Variants in SUSD4 observed in about 807,000 individuals in gnomAD.
The protein encoded by SUSD4 is sushi domain containing 4.
In SUSD4, 41 loss-of-function variants were observed where a neutral mutation model predicts 50.5. The ratio of observed to expected loss-of-function variants is 0.81; its 90% confidence interval spans 0.63 to 1.05. The LOEUF is 1.05. SUSD4 is among the 50% of genes least tolerant of loss of function. SUSD4 has a pLI of 0.00. For synonymous variants in SUSD4, 257 were observed against 257.3 expected (o/e 1.00, Z 0.01); for missense variants, 580 against 634.7 (o/e 0.91, Z 0.93).
chr1:223,220,970 G>C lies in SUSD4; in HGVS notation c.*1222C>G, dbSNP rs1659109428. On this transcript the variant is annotated 3_prime_UTR_variant, in exon 9 of 9. Transcript: ENST00000366878. The stretch of plus-strand genomic sequence containing the variant: ...TTGTCTAAAACCAAGAGAAGGAAAG[G>C]AATCAACTCCACAGATCAACATGTA... 1 of 400,602 alleles carries C rather than the reference G, an allele frequency of 2.5e-6. No individual in the cohort carries two copies. Among genetic ancestry groups the C allele is most frequent in the Non-Finnish European group, 4.4e-6 (1 of 226,232 alleles). 24.8% of individuals were successfully genotyped at this position (400,602 alleles called of 1,614,324 possible). A position where few individuals can be genotyped will look rare whatever the true frequency, so the allele number is the denominator to read the frequency against.
Position 223,343,919 on chromosome 1 carries a change from A to G in SUSD4, c.148+19359T>C, listed in dbSNP as rs75325936. 3.8e-3 allele frequency among the ~76,000 whole-genome samples: 582 copies of G among 152,300 alleles called. 2 individuals carry two copies. The highest frequency in any genetic ancestry group is 0.013 in the African/African-American group (561 of 41,560). ...TCCACCACCAACAGAGTACGAGAAC[A>G]TGGCCCAGATCCAAACCAACGTGTC... On this transcript the variant is annotated intron_variant, in intron 2 of 8. Transcript: ENST00000366878.
At chr1:223,275,162 G>A (rs1164201474) in intron 3 of SUSD4, among the ~76,000 whole-genome samples, 3 of 152,158 alleles carry the variant, frequency 2.0e-5, no homozygotes, top group Non-Finnish European at 1.5e-5. Context: ...CGGAATTCTG[G>A]GGAGTGAACG....
chr1:223,294,871 T>TA (rs760531351), intron 2 of SUSD4, among the ~76,000 whole-genome samples: 13 of 152,234 alleles, frequency 8.5e-5, no homozygotes, highest in Non-Finnish European at 1.6e-4. Context: ...TGCATGTTTT[T>TA]AATTTGGGGG....
At chr1:223,265,362 T>G (rs999817018) in intron 4 of SUSD4, among the ~76,000 whole-genome samples, 1 of 152,212 alleles carries the variant, frequency 6.6e-6, no homozygotes, top group African/African-American at 2.4e-5. Flanking sequence ...GAAAACCCAG[T>G]TGTGTTTTAT....
chr1:223,358,324 G>A (rs1184716465), intron 2 of SUSD4, among the ~76,000 whole-genome samples: 1 of 152,148 alleles, frequency 6.6e-6, no homozygotes, highest in African/African-American at 2.4e-5. Context: ...TCAAATTCCT[G>A]TAATCGCAGA....
intron 2 of SUSD4, among the ~76,000 whole-genome samples, chr1:223,331,711 C>T (rs1017855870): frequency 2.0e-5 from 3 of 152,154 alleles, no homozygotes; most frequent in African/African-American, 7.2e-5. Flanking sequence ...ACCTTTTGTC[C>T]TCTTCCTAAT....
intron 5 of SUSD4, among the ~76,000 whole-genome samples, chr1:223,235,308 AT>A (rs577289661): frequency 5.1e-4 from 78 of 152,250 alleles, no homozygotes; most frequent in African/African-American, 1.8e-3. Context: ...CATTATTCAC[AT>A]CCCCACCAGA....
chr1:223,228,734 C>T (rs534384166), intron 6 of SUSD4, among the ~76,000 whole-genome samples: 74 of 152,178 alleles, frequency 4.9e-4, no homozygotes, highest in South Asian at 1.7e-3. Flanking sequence ...TAAAGTTATG[C>T]GTTGCTTGGG....
intron 2 of SUSD4, among the ~76,000 whole-genome samples, chr1:223,315,005 C>T (rs1558242286): frequency 6.6e-6 from 1 of 152,170 alleles, no homozygotes; most frequent in Non-Finnish European, 1.5e-5. Context: ...GGGAGTGGAG[C>T]TCTGAGACCA....
intron 5 of SUSD4, among the ~76,000 whole-genome samples, chr1:223,237,025 A>G (rs531812022): frequency 2.8e-4 from 43 of 152,180 alleles, no homozygotes; most frequent in African/African-American, 9.9e-4. Context: ...GATTTCTTTC[A>G]TAAGAGTTTT....
chr1:223,235,601 T>C (rs560228769), intron 5 of SUSD4, among the ~76,000 whole-genome samples: 40 of 151,734 alleles, frequency 2.6e-4, no homozygotes, highest in African/African-American at 9.7e-4. Context: ...TGTCATATAG[T>C]TGGAATAGGA....
At chr1:223,234,999 G>A (rs754978795) in intron 5 of SUSD4, 9 of 1,608,952 alleles carry the variant, frequency 5.6e-6, no homozygotes, top group African/African-American at 1.3e-5. Flanking sequence ...GTAGGTGCTG[G>A]GGTGGGAGAG....
intron 5 of SUSD4, among the ~76,000 whole-genome samples, chr1:223,253,329 G>C (rs1661463708): frequency 6.7e-6 from 1 of 149,658 alleles, no homozygotes; most frequent in Non-Finnish European, 1.5e-5. Flanking sequence ...ACAAAAACTT[G>C]CTTCAGTACA....
At chr1:223,238,993 C>T (rs2103018052) in intron 5 of SUSD4, among the ~76,000 whole-genome samples, 1 of 152,038 alleles carries the variant, frequency 6.6e-6, no homozygotes, top group East Asian at 1.9e-4. Flanking sequence ...CAGGTTTTGC[C>T]TCATGTAGTT....
chr1:223,359,372 A>G (rs763132916), intron 2 of SUSD4, among the ~76,000 whole-genome samples: 10 of 151,960 alleles, frequency 6.6e-5, no homozygotes, highest in Non-Finnish European at 1.2e-4. Flanking sequence ...CACCTTCCAC[A>G]CCTTTGCACA....
At chr1:223,291,953 C>T (rs113532219) in intron 3 of SUSD4, among the ~76,000 whole-genome samples, 2,192 of 152,292 alleles carry the variant, frequency 0.014, 49 homozygotes, top group African/African-American at 0.05. Context: ...ATGTCTACCT[C>T]GTTAATCTGT....
intron 2 of SUSD4, among the ~76,000 whole-genome samples, chr1:223,339,528 A>G (rs563930480): frequency 6.6e-6 from 1 of 152,284 alleles, no homozygotes; most frequent in South Asian, 2.1e-4. Context: ...ATGCTCCCAA[A>G]GTCTAATCCC....
chr1:223,285,283 A>G (rs1281479243), intron 3 of SUSD4, among the ~76,000 whole-genome samples: 2 of 152,172 alleles, frequency 1.3e-5, no homozygotes, highest in Non-Finnish European at 2.9e-5. Context: ...CAGGAACACC[A>G]AGGGAGGCTT....
intron 5 of SUSD4, chr1:223,235,145 C>T (rs770583970): frequency 5.9e-6 from 9 of 1,535,378 alleles, no homozygotes; most frequent in Non-Finnish European, 7.9e-6. Flanking sequence ...AAGACTATTT[C>T]TCTTGATTGA....
Sources: allele counts gnomAD v4.1 joint callset (sites outside exome capture counted in the v4.1 genomes callset), GRCh38; gene constraint gnomAD v4.1.1; transcripts MANE v1.5; gene names NCBI Gene and HGNC (gene_info 2026-07-23, HGNC 2026-07-21).